LLPH: variants seen among roughly 807,000 people sequenced by gnomAD.
LLPH encodes protein LLP homolog.
A neutral mutation model predicts 13.3 loss-of-function variants in LLPH; 5 were observed. That is an observed-to-expected ratio of 0.38 (90% CI 0.20 to 0.79). The LOEUF is 0.79. Ranked by LOEUF, LLPH falls within the 30% of genes least tolerant of loss-of-function variation. The pLI is 0.45. For synonymous variants in LLPH, 32 were observed against 44.2 expected (o/e 0.72, Z 1.09); for missense variants, 129 against 152.1 (o/e 0.85, Z 0.80).
In LLPH at chr12:66,121,722, A is replaced by C. The variant is rs563608938; in HGVS notation, c.*2118T>G. The C allele has an allele frequency of 6.6e-6, 1 of 151,844 alleles. No homozygotes were observed. The highest frequency in any genetic ancestry group is 2.0e-4 in the East Asian group (1 of 5,094). The allele number at this position is 151,844 out of a possible 1,614,324, so 9.4% of individuals were successfully genotyped here. A position where few individuals can be genotyped will look rare whatever the true frequency, so the allele number is the denominator to read the frequency against. On this transcript the variant is annotated 3_prime_UTR_variant, in exon 3 of 3. Coordinates refer to ENST00000266604, the MANE Select transcript of LLPH (RefSeq NM_032338.4). ...CAACATGGCGAAACCCTGTCTCTAC[A>C]AAAATACAAAAATTAGCTGGGCGTG...
At position 66,122,171 on chromosome 12, in the gene LLPH, A is replaced by G. The variant is rs1644690541; in HGVS notation, c.*1669T>C. ...TTGAGAAAAATAAGAAAAGTCTACT[A>G]TATTTAAACAATTCCAAGAGTTTAC... On this transcript the variant is annotated 3_prime_UTR_variant, in exon 3 of 3. Transcript: ENST00000266604. The G allele has an allele frequency of 6.6e-6, 1 of 152,200 alleles. No individual in the cohort carries two copies. The highest frequency in any genetic ancestry group is 2.4e-5 in the African/African-American group (1 of 41,454). The allele number at this position is 152,200 out of a possible 1,614,324, so 9.4% of individuals were successfully genotyped here.
At chr12:66,126,280 T>A (rs924754700) in intron 2 of LLPH, among the ~76,000 whole-genome samples, 9 of 148,348 alleles carry the variant, frequency 6.1e-5, no homozygotes, top group African/African-American at 2.3e-4. Flanking sequence ...GCCGAGATCA[T>A]GCCACTGCAC....
At chr12:66,126,067 G>A (rs978363151) in intron 2 of LLPH, among the ~76,000 whole-genome samples, 1 of 152,200 alleles carries the variant, frequency 6.6e-6, no homozygotes, top group African/African-American at 2.4e-5. Flanking sequence ...GCTCACGCCT[G>A]TAATCCCAGC....
chr12:66,129,575 C>G (rs1478195051), intron 1 of LLPH, among the ~76,000 whole-genome samples: 1 of 151,916 alleles, frequency 6.6e-6, no homozygotes, highest in Non-Finnish European at 1.5e-5. Context: ...TTAGTAGAGA[C>G]GGGTTTTCAC....
chr12:66,117,238 C>CT lies in LLPH; in HGVS notation c.*6601dup, dbSNP rs1235466572. The CT allele has an allele frequency of 6.6e-6, 1 of 152,170 alleles. No individual in the cohort carries two copies. The highest frequency in any genetic ancestry group is 1.5e-5 in the Non-Finnish European group (1 of 68,028). The allele number at this position is 152,170 out of a possible 1,614,324, so 9.4% of individuals were successfully genotyped here. On this transcript the variant is annotated 3_prime_UTR_variant, in exon 3 of 3. Coordinates refer to ENST00000266604, the MANE Select transcript of LLPH (RefSeq NM_032338.4). The stretch of plus-strand genomic sequence containing the variant: ...TGCATCTGTACTGAACATGTACCGA[C>CT]TTTTTTTCTTATCATTATTCCCTAA...
rs1266430861 is a variant in LLPH, at chr12:66,120,594, A to G, written c.*3246T>C. 1.3e-5 allele frequency: 2 copies of G among 152,248 alleles called. No homozygotes were observed. Among genetic ancestry groups the G allele is most frequent in the African/African-American group, 4.8e-5 (2 of 41,468 alleles). 9.4% of individuals were successfully genotyped at this position (152,248 alleles called of 1,614,324 possible). A position where few individuals can be genotyped will look rare whatever the true frequency, so the allele number is the denominator to read the frequency against. On this transcript the variant is annotated 3_prime_UTR_variant, in exon 3 of 3. Coordinates refer to ENST00000266604, the MANE Select transcript of LLPH (RefSeq NM_032338.4). ...TTTCAGACTTAATTTCTTAAAACAC[A>G]AAAAGTGTTACATTCAATTCCTAAT...
chr12:66,119,825 T>C lies in LLPH; in HGVS notation c.*4015A>G, dbSNP rs1380485904. 1 of 152,230 alleles carries C rather than the reference T, an allele frequency of 6.6e-6. No individual in the cohort carries two copies. The highest frequency in any genetic ancestry group is 1.5e-5 in the Non-Finnish European group (1 of 68,036). 9.4% of individuals were successfully genotyped at this position (152,230 alleles called of 1,614,324 possible). On this transcript the variant is annotated 3_prime_UTR_variant, in exon 3 of 3. Coordinates refer to ENST00000266604, the MANE Select transcript of LLPH (RefSeq NM_032338.4). ...CATTTCAGATATTTGATTCAAGTCA[T>C]TTATAGCTATTTTTCTTCTCCAACT...
At position 66,121,710 on chromosome 12, in the gene LLPH, C is replaced by A. The variant is rs1342811185; in HGVS notation, c.*2130G>T. 1 of 151,606 alleles carries A rather than the reference C, an allele frequency of 6.6e-6. No individual in the cohort carries two copies. The highest frequency in any genetic ancestry group is 2.4e-5 in the African/African-American group (1 of 41,254). 9.4% of individuals were successfully genotyped at this position (151,606 alleles called of 1,614,324 possible). ...GACCAGCCTGGGCAACATGGCGAAACCCTGTCTCTACAAAAATACAAAAAT... is the reference window on the plus strand; with the variant it reads ...GACCAGCCTGGGCAACATGGCGAAAACCTGTCTCTACAAAAATACAAAAAT... On this transcript the variant is annotated 3_prime_UTR_variant, in exon 3 of 3. Coordinates refer to ENST00000266604, the MANE Select transcript of LLPH (RefSeq NM_032338.4).
At position 66,117,185 on chromosome 12, in the gene LLPH, T is replaced by G. The variant is rs1349265021; in HGVS notation, c.*6655A>C. 6.6e-6 allele frequency: 1 copy of G among 152,134 alleles called. No individual in the cohort carries two copies. The highest frequency in any genetic ancestry group is 1.5e-5 in the Non-Finnish European group (1 of 68,016). The allele number at this position is 152,134 out of a possible 1,614,324, so 9.4% of individuals were successfully genotyped here. On this transcript the variant is annotated 3_prime_UTR_variant, in exon 3 of 3. Transcript: ENST00000266604. Reference sequence around the variant, plus strand: ...CTGCATTTGGGGCTTCGTCCTGAGATAAAAAATATTCAAAAGAAAACTACA... The same window carrying G: ...CTGCATTTGGGGCTTCGTCCTGAGAGAAAAAATATTCAAAAGAAAACTACA...
rs1043620904 is a variant in LLPH at position 66,120,331 on chromosome 12, C to T, written c.*3509G>A. 5.3e-5 allele frequency: 8 copies of T among 152,212 alleles called. No homozygotes were observed. The highest frequency in any genetic ancestry group is 5.2e-4 in the Admixed American group (8 of 15,272). The allele number at this position is 152,212 out of a possible 1,614,324, so 9.4% of individuals were successfully genotyped here. A position where few individuals can be genotyped will look rare whatever the true frequency, so the allele number is the denominator to read the frequency against. The stretch of plus-strand genomic sequence containing the variant: ...TCTCTCTTAGCAAGAGTTTGCACAT[C>T]CTTGAGAGGCAGAATGGCATTGTAA... On this transcript the variant is annotated 3_prime_UTR_variant, in exon 3 of 3. Transcript: ENST00000266604.
rs1238514904 is a variant in LLPH at position 66,121,966 on chromosome 12, ATTTT to A, written c.*1870_*1873del. 1 of 151,616 alleles carries A rather than the reference ATTTT, an allele frequency of 6.6e-6. No individual in the cohort carries two copies. Among genetic ancestry groups the A allele is most frequent in the Non-Finnish European group, 1.5e-5 (1 of 67,888 alleles). The allele number at this position is 151,616 out of a possible 1,614,324, so 9.4% of individuals were successfully genotyped here. Reference sequence around the variant, plus strand: ...TCAGTGGCTTAACTGGTTGTTTGCAATTTTTTTTATTTTATGAATAAAAATGTAC... The same window carrying A: ...TCAGTGGCTTAACTGGTTGTTTGCAATTTTATTTTATGAATAAAAATGTAC... On this transcript the variant is annotated 3_prime_UTR_variant, in exon 3 of 3. Transcript: ENST00000266604.
chr12:66,129,555 T>G (rs2136832185), intron 1 of LLPH, among the ~76,000 whole-genome samples: 1 of 152,190 alleles, frequency 6.6e-6, no homozygotes, highest in Middle Eastern at 3.4e-3. Context: ...CTGGCTAATT[T>G]TTTGTATTTT....
Position 66,120,015 on chromosome 12 carries a change from C to T in LLPH, c.*3825G>A, listed in dbSNP as rs966507986. On this transcript the variant is annotated 3_prime_UTR_variant, in exon 3 of 3. Coordinates refer to ENST00000266604, the MANE Select transcript of LLPH (RefSeq NM_032338.4). Reference sequence around the variant, plus strand: ...AGTAGAAAATAGGATGTGGTCAAAACCACTACTTGATTCTACCTTAGAGCT... The same window carrying T: ...AGTAGAAAATAGGATGTGGTCAAAATCACTACTTGATTCTACCTTAGAGCT... The T allele has an allele frequency of 6.6e-6, 1 of 152,174 alleles. No individual in the cohort carries two copies. The highest frequency in any genetic ancestry group is 1.5e-5 in the Non-Finnish European group (1 of 68,026). 9.4% of individuals were successfully genotyped at this position (152,174 alleles called of 1,614,324 possible).
intron 1 of LLPH, chr12:66,130,343 CTTG>C (rs377571185): frequency 1.4e-4 from 22 of 152,380 alleles, no homozygotes; most frequent in African/African-American, 5.3e-4. Flanking sequence ...TTTTTGCATA[CTTG>C]TTGAACGAAC....
At chr12:66,126,123 G>A (rs1428418332) in intron 2 of LLPH, among the ~76,000 whole-genome samples, 2 of 151,936 alleles carry the variant, frequency 1.3e-5, no homozygotes, top group Non-Finnish European at 2.9e-5. Context: ...AGGAGATCGA[G>A]ACCATCCTGG....
chr12:66,130,161 T>G (rs1948465568), intron 1 of LLPH, among the ~76,000 whole-genome samples: 1 of 152,172 alleles, frequency 6.6e-6, no homozygotes, highest in Non-Finnish European at 1.5e-5. Flanking sequence ...GGCTTGCTCC[T>G]TCATTCGCTA....
chr12:66,117,620 C>T lies in LLPH; in HGVS notation c.*6220G>A, dbSNP rs533461725. ...TTTATTTTAGAGTGTACTCCTTCTA[C>T]TTAAAGAAAAAGTTGACTGTGAACA... On this transcript the variant is annotated 3_prime_UTR_variant, in exon 3 of 3. Transcript: ENST00000266604. The T allele has an allele frequency of 6.6e-6, 1 of 152,324 alleles. No individual in the cohort carries two copies. Among genetic ancestry groups the T allele is most frequent in the African/African-American group, 2.4e-5 (1 of 41,568 alleles). The allele number at this position is 152,324 out of a possible 1,614,324, so 9.4% of individuals were successfully genotyped here. A position where few individuals can be genotyped will look rare whatever the true frequency, so the allele number is the denominator to read the frequency against.
At position 66,126,323 on chromosome 12, in the gene LLPH, C is replaced by CA. The variant is rs1229779641; in HGVS notation, c.212-2306dup. Among the ~76,000 whole-genome samples the CA allele has an allele frequency of 1.8e-3, 148 of 81,864 alleles. 1 individual carries two copies. The highest frequency in any genetic ancestry group is 8.7e-3 in the East Asian group (25 of 2,862). The allele number at this position is 81,864 out of a possible 152,430, so 53.7% of individuals were successfully genotyped here. ...TGGGCGACAGAGTGAGAGTTCATCT[C>CA]AAAAAAAAAAAGTAAAAAAAAAAAG... is the stretch of plus-strand genomic sequence containing the variant. On this transcript the variant is annotated intron_variant, in intron 2 of 2. Coordinates refer to ENST00000266604, the MANE Select transcript of LLPH (RefSeq NM_032338.4).
In LLPH at chr12:66,122,756, A is replaced by G. The variant is rs944874331; in HGVS notation, c.*1084T>C. 1 of 151,958 alleles carries G rather than the reference A, an allele frequency of 6.6e-6. No homozygotes were observed. Among genetic ancestry groups the G allele is most frequent in the Non-Finnish European group, 1.5e-5 (1 of 68,016 alleles). The allele number at this position is 151,958 out of a possible 1,614,324, so 9.4% of individuals were successfully genotyped here. On this transcript the variant is annotated 3_prime_UTR_variant, in exon 3 of 3. Coordinates refer to ENST00000266604, the MANE Select transcript of LLPH (RefSeq NM_032338.4). ...TTTTGTAAATCTTCAAGTATGTAGCATTTCCCAAATCGATGTGAACACAAT... is the reference window on the plus strand; with the variant it reads ...TTTTGTAAATCTTCAAGTATGTAGCGTTTCCCAAATCGATGTGAACACAAT...
Sources: gnomAD v4.1 joint callset for allele counts (sites outside exome capture counted in the v4.1 genomes callset) on GRCh38, gnomAD v4.1.1 for gene constraint, MANE v1.5 for transcripts, NCBI Gene and HGNC (gene_info 2026-07-23, HGNC 2026-07-21) for gene names.